PLPP1: variants seen among roughly 807,000 people sequenced by gnomAD.
PLPP1 encodes lipid phosphate phosphohydrolase 1a.
In PLPP1, 24 loss-of-function variants were observed where a neutral mutation model predicts 31.2. The observed-to-expected ratio is 0.77, with a 90% CI of 0.56 to 1.08. The LOEUF is 1.08. PLPP1 is among the 50% of genes least tolerant of loss of function. The pLI, the probability that PLPP1 is intolerant of heterozygous loss-of-function variation, is 0.00. For missense variants in PLPP1, 319 were observed against 342.7 expected, an observed-to-expected ratio of 0.93 and a Z score of 0.55; for synonymous variants, 146 against 126.3, an observed-to-expected ratio of 1.16 and a Z score of -1.05.
intron 1 of PLPP1, chr5:55,530,524 A>C: frequency 8.3e-7 from 1 of 1,200,220 alleles, no homozygotes. Flanking sequence ...GAATCTTCAG[A>C]GATCTGAAAG....
chr5:55,532,541 A>T (rs1034521750), intron 1 of PLPP1, among the ~76,000 whole-genome samples: 1 of 152,242 alleles, frequency 6.6e-6, no homozygotes, highest in African/African-American at 2.4e-5. Flanking sequence ...AATGACATCA[A>T]GTATAAGTTA....
In PLPP1 at chr5:55,444,542, G is replaced by A. The variant is rs1172373920; in HGVS notation, c.492-2634C>T. Among the ~76,000 whole-genome samples the A allele has an allele frequency of 2.6e-5, 4 of 152,138 alleles. No individual in the cohort carries two copies. The East Asian group carries it at 7.7e-4, about 29-fold the overall frequency. On this transcript the variant is annotated intron_variant, in intron 3 of 5. Coordinates refer to ENST00000307259, the MANE Select transcript of PLPP1 (RefSeq NM_003711.4). ...AGCCTCTCTGATGAAGGCAAGTACA[G>A]TACAGTAACAATGTGAGCCAGCTTT...
intron 3 of PLPP1, among the ~76,000 whole-genome samples, chr5:55,449,457 T>A (rs1207416969): frequency 2.6e-5 from 4 of 152,180 alleles, no homozygotes; most frequent in African/African-American, 9.7e-5. Context: ...ACACACAGTC[T>A]ACATTTCTCT....
At chr5:55,429,742 GGGTGCTGC>G (rs2111664706) in intron 4 of PLPP1, among the ~76,000 whole-genome samples, 2 of 152,178 alleles carry the variant, frequency 1.3e-5, no homozygotes, top group South Asian at 4.1e-4. Flanking sequence ...ACCCACAGCT[GGGTGCTGC>G]CGCAGGGCCA....
rs183587158 is a variant in PLPP1 at position 55,455,764 on chromosome 5, T to G, written c.491+12105A>C. Among the ~76,000 whole-genome samples the G allele has an allele frequency of 3.3e-3, 505 of 152,348 alleles. 9 individuals carry two copies. The highest frequency in any genetic ancestry group is 0.031 in the Admixed American group (472 of 15,306). ...TCCAGGTAATCTAAAGTAGTAGTTC[T>G]CAAGCTGTGGTGCCAAGATCAAGAG... On this transcript the variant is annotated intron_variant, in intron 3 of 5. Coordinates refer to ENST00000307259, the MANE Select transcript of PLPP1 (RefSeq NM_003711.4).
chr5:55,473,180 T>C (rs1752459147), intron 2 of PLPP1, among the ~76,000 whole-genome samples: 1 of 152,254 alleles, frequency 6.6e-6, no homozygotes, highest in Non-Finnish European at 1.5e-5. Context: ...GGAAGAATTA[T>C]AGACTTGGCT....
chr5:55,516,480 T>C (rs1753557472), intron 1 of PLPP1, among the ~76,000 whole-genome samples: 1 of 152,222 alleles, frequency 6.6e-6, no homozygotes, highest in South Asian at 2.1e-4. Flanking sequence ...CTTGTATCTC[T>C]ATTACCTAAG....
intron 1 of PLPP1, among the ~76,000 whole-genome samples, chr5:55,517,373 T>G (rs2111926634): frequency 6.6e-6 from 1 of 152,204 alleles, no homozygotes; most frequent in Non-Finnish European, 1.5e-5. Context: ...GTTTTGTTTT[T>G]TTGGGTAGAA....
intron 1 of PLPP1, among the ~76,000 whole-genome samples, chr5:55,506,632 C>G (rs1753285343): frequency 6.6e-6 from 1 of 152,084 alleles, no homozygotes; most frequent in Non-Finnish European, 1.5e-5. Context: ...CTTCTAGGAG[C>G]TGATTTTTTA....
At chr5:55,475,656 A>T (rs1368715137) in intron 1 of PLPP1, among the ~76,000 whole-genome samples, 3 of 152,242 alleles carry the variant, frequency 2.0e-5, no homozygotes, top group Admixed American at 2.0e-4. Context: ...TCTACAGCAA[A>T]CAAAGTGTTC....
chr5:55,495,379 A>G (rs1207971256), intron 1 of PLPP1, among the ~76,000 whole-genome samples: 1 of 152,158 alleles, frequency 6.6e-6, no homozygotes, highest in Non-Finnish European at 1.5e-5. Context: ...ACAGGCTCCA[A>G]GGGGCAAGGG....
At chr5:55,530,530 G>A in intron 1 of PLPP1, 2 of 1,210,736 alleles carry the variant, frequency 1.7e-6, no homozygotes, top group Non-Finnish European at 1.2e-6. Flanking sequence ...TCAGAGATCT[G>A]AAAGTTTGGA....
intron 1 of PLPP1, among the ~76,000 whole-genome samples, chr5:55,518,429 G>C (rs1214372984): frequency 1.3e-5 from 2 of 151,840 alleles, no homozygotes; most frequent in Non-Finnish European, 2.9e-5. Flanking sequence ...AAAGTGCTGG[G>C]GTTACAGGCA....
At chr5:55,426,121 ATGAT>A in intron 4 of PLPP1, 82 bp from the exon 5 acceptor site, 3 of 1,226,254 alleles carry the variant, frequency 2.4e-6, no homozygotes, top group Non-Finnish European at 3.4e-6. Context: ...GGCATTTGAA[ATGAT>A]TATCAAAGTA....
chr5:55,534,513 C>T (rs2111972517), intron 1 of PLPP1, 59 bp downstream of exon 1: 3 of 1,483,630 alleles, frequency 2.0e-6, no homozygotes, highest in Non-Finnish European at 1.8e-6. Context: ...CGCGGCTCTG[C>T]GCTAAAGCCC....
At chr5:55,512,518 AAG>A (rs1753449804) in intron 1 of PLPP1, among the ~76,000 whole-genome samples, 1 of 5,400 alleles carries the variant, frequency 1.9e-4, no homozygotes, top group African/African-American at 5.1e-4. Flanking sequence ...AAAGAAAAGA[AAG>A]AAAGAAAGAA....
chr5:55,459,837 C>A (rs1752112525), intron 3 of PLPP1, among the ~76,000 whole-genome samples: 3 of 152,158 alleles, frequency 2.0e-5, no homozygotes, highest in Admixed American at 2.0e-4. Flanking sequence ...ACCCCTGAGA[C>A]AAGACCAACC....
At chr5:55,429,167 T>G (rs1285516682) in intron 4 of PLPP1, among the ~76,000 whole-genome samples, 2 of 151,982 alleles carry the variant, frequency 1.3e-5, no homozygotes, top group Non-Finnish European at 2.9e-5. Flanking sequence ...ACATAATAGG[T>G]TATTTGCAAA....
intron 3 of PLPP1, among the ~76,000 whole-genome samples, chr5:55,454,168 C>G (rs1751954385): frequency 6.6e-6 from 1 of 151,888 alleles, no homozygotes; most frequent in Non-Finnish European, 1.5e-5. Flanking sequence ...AAACATTACC[C>G]CAGAAGCAAA....
Sources: allele counts gnomAD v4.1 joint callset (sites outside exome capture counted in the v4.1 genomes callset), GRCh38; gene constraint gnomAD v4.1.1; transcripts MANE v1.5; gene names NCBI Gene and HGNC (gene_info 2026-07-23, HGNC 2026-07-21).